Variants in RDX observed in about 807,000 individuals in gnomAD.
The protein encoded by RDX is deafness, autosomal recessive 24.
RDX carries 32 observed loss-of-function variants against 83.7 expected under a neutral mutation model. That is an observed-to-expected ratio of 0.38 (90% CI 0.29 to 0.51). The LOEUF is 0.51. RDX is among the 20% of genes least tolerant of loss of function. RDX has a pLI of 0.87. For synonymous variants in RDX, 229 were observed against 222.7 expected (o/e 1.03, Z -0.25); for missense variants, 600 against 689.9 (o/e 0.87, Z 1.46).
At chr11:110,256,831 A>G (rs541417277) in intron 7 of RDX, among the ~76,000 whole-genome samples, 12 of 152,366 alleles carry the variant, frequency 7.9e-5, no homozygotes, top group Non-Finnish European at 1.3e-4. Context: ...ACATGAGAAG[A>G]TATTAGGGTA....
At chr11:110,236,422 C>T (rs1261824731) in intron 11 of RDX, 1 of 437,240 alleles carries the variant, frequency 2.3e-6, no homozygotes, top group Non-Finnish European at 4.1e-6. Context: ...ACTAGTTAAT[C>T]CTGCTTTCAG....
At chr11:110,294,760 T>G (rs1242824505) in intron 1 of RDX, among the ~76,000 whole-genome samples, 1 of 152,140 alleles carries the variant, frequency 6.6e-6, no homozygotes, top group African/African-American at 2.4e-5. Flanking sequence ...GTATTTTCCC[T>G]ACACCCAAAT....
intron 15 of RDX, among the ~76,000 whole-genome samples, chr11:110,175,572 G>A (rs1862757366): frequency 6.6e-6 from 1 of 152,232 alleles, no homozygotes; most frequent in South Asian, 2.1e-4. Context: ...AGAGGTCTGG[G>A]TGGGTGGGTG....
At position 110,283,704 on chromosome 11, in the gene RDX, T is replaced by A. The variant is rs572876122; in HGVS notation, c.-64-3948A>T. ...GCAAGACCCCGTCTCTATGTTTTTT[T>A]AAAAATAATCTAAAACAAACAAACA... is the stretch of plus-strand genomic sequence containing the variant. On this transcript the variant is annotated intron_variant, in intron 1 of 13. Transcript: ENST00000645495. Among the ~76,000 whole-genome samples, 220 of 152,068 alleles carry A rather than the reference T, an allele frequency of 1.4e-3. 2 individuals are homozygous for A. Among genetic ancestry groups the A allele is most frequent in the African/African-American group, 4.9e-3 (204 of 41,474 alleles).
chr11:110,285,470 T>C (rs1591185934), intron 1 of RDX, among the ~76,000 whole-genome samples: 1 of 151,884 alleles, frequency 6.6e-6, no homozygotes, highest in African/African-American at 2.4e-5. Context: ...TCCCAGCACT[T>C]TGGGAGGCTG....
rs1192364820 is a variant in RDX at position 110,267,236 on chromosome 11, C to T, written c.97-2362G>A. ...TAAAAAATAATGTTAAAACATTTGG[C>T]AGGGCAGGGTGGCTCACGCCTATAC... On this transcript the variant is annotated intron_variant, in intron 3 of 13. Transcript: ENST00000645495. 2.0e-5 allele frequency among the ~76,000 whole-genome samples: 3 copies of T among 152,198 alleles called. No homozygotes were observed. The East Asian group carries it at 5.8e-4, about 30-fold the overall frequency.
intron 3 of RDX, among the ~76,000 whole-genome samples, chr11:110,268,592 G>A (rs1181834170): frequency 6.6e-6 from 1 of 152,134 alleles, no homozygotes; most frequent in Non-Finnish European, 1.5e-5. Context: ...TCCACACTCT[G>A]TGAGATTCAC....
At chr11:110,243,349 T>G (rs1314659718) in intron 10 of RDX, among the ~76,000 whole-genome samples, 1 of 152,044 alleles carries the variant, frequency 6.6e-6, no homozygotes, top group Non-Finnish European at 1.5e-5. Flanking sequence ...AACCAAACCC[T>G]AACAATAAAA....
intron 15 of RDX, among the ~76,000 whole-genome samples, chr11:110,186,687 C>T (rs535198278): frequency 6.6e-5 from 10 of 152,186 alleles, no homozygotes; most frequent in Admixed American, 3.3e-4. Context: ...CATCTTTCCG[C>T]AGGGGTTCCA....
At chr11:110,274,650 CAT>C (rs34619631) in intron 2 of RDX, among the ~76,000 whole-genome samples, 57,201 of 151,844 alleles carry the variant, frequency 0.38, 10,913 homozygotes, top group East Asian at 0.51. Flanking sequence ...ACACACTTCT[CAT>C]ATATTCTGTT....
intron 14 of RDX, among the ~76,000 whole-genome samples, chr11:110,216,495 C>T (rs1864056714): frequency 1.3e-5 from 2 of 151,730 alleles, no homozygotes; most frequent in African/African-American, 2.4e-5. Context: ...ACCTCAGCCT[C>T]CCAAGTAGCT....
chr11:110,228,971 T>A (rs980904373), downstream of RDX, among the ~76,000 whole-genome samples: 3 of 151,980 alleles, frequency 2.0e-5, no homozygotes, highest in East Asian at 5.8e-4. Context: ...TTATCACTTA[T>A]TTAAGTTAAA....
At chr11:110,179,803 G>T in intron 15 of RDX, 1 of 374,014 alleles carries the variant, frequency 2.7e-6, no homozygotes, top group Non-Finnish European at 5.1e-6. Flanking sequence ...ATCTAACAAG[G>T]TTAAGTTGTA....
intron 3 of RDX, 74 bp downstream of exon 3, chr11:110,272,462 A>G (rs916994400): frequency 6.0e-6 from 6 of 999,934 alleles, no homozygotes; most frequent in Non-Finnish European, 9.4e-6. Flanking sequence ...AAAGTACAGA[A>G]AAACAGAGAA....
At chr11:110,245,352 G>C (rs540171884) in intron 10 of RDX, among the ~76,000 whole-genome samples, 1 of 152,118 alleles carries the variant, frequency 6.6e-6, no homozygotes, top group African/African-American at 2.4e-5. Flanking sequence ...AGAATCACTT[G>C]AGCCCAGGAG....
intron 14 of RDX, among the ~76,000 whole-genome samples, chr11:110,203,918 T>A (rs554610354): frequency 6.6e-6 from 1 of 152,308 alleles, no homozygotes; most frequent in African/African-American, 2.4e-5. Context: ...GCCATGTGCC[T>A]ATAGTCCCAG....
intron 15 of RDX, among the ~76,000 whole-genome samples, chr11:110,177,188 G>GGGGACA (rs1862792037): frequency 6.6e-6 from 1 of 152,224 alleles, no homozygotes; most frequent in Non-Finnish European, 1.5e-5. Flanking sequence ...ACCTCCACCC[G>GGGGACA]GGGACAGGAA....
intron 5 of RDX, among the ~76,000 whole-genome samples, chr11:110,258,419 T>C (rs540485910): frequency 1.3e-5 from 2 of 152,304 alleles, no homozygotes; most frequent in East Asian, 3.9e-4. Context: ...ATCTTGTTTG[T>C]AATATTGTAC....
intron 14 of RDX, among the ~76,000 whole-genome samples, chr11:110,207,337 T>C (rs546526588): frequency 1.4e-4 from 21 of 152,144 alleles, no homozygotes; most frequent in Non-Finnish European, 2.6e-4. Flanking sequence ...GAGGGCACCC[T>C]GCAATCTGTG....
Sources: gnomAD v4.1 joint callset for allele counts (sites outside exome capture counted in the v4.1 genomes callset) on GRCh38, gnomAD v4.1.1 for gene constraint, MANE v1.5 for transcripts, NCBI Gene and HGNC (gene_info 2026-07-23, HGNC 2026-07-21) for gene names.